BAZ1A: variants seen among roughly 807,000 people sequenced by gnomAD.
BAZ1A encodes bromodomain adjacent to zinc finger domain protein 1A.
BAZ1A carries 50 observed loss-of-function variants against 185.2 expected under a neutral mutation model. The observed-to-expected ratio is 0.27, with a 90% CI of 0.22 to 0.34. The LOEUF is 0.34. Among genes scored for constraint, BAZ1A ranks in the 10% least tolerant of loss-of-function variants. BAZ1A has a pLI of 1.00. For synonymous variants in BAZ1A, 571 were observed against 615.6 expected, an observed-to-expected ratio of 0.93 and a Z score of 1.07; for missense variants, 1,356 against 1,839.9, an observed-to-expected ratio of 0.74 and a Z score of 4.81.
At chr14:34,816,781 C>T (rs963166703) in intron 4 of BAZ1A, 1 of 440,328 alleles carries the variant, frequency 2.3e-6, no homozygotes, top group Non-Finnish European at 4.6e-6. Context: ...TCAGGACTGT[C>T]TATCAATTTA....
intron 5 of BAZ1A, among the ~76,000 whole-genome samples, chr14:34,808,388 C>T (rs1173928735): frequency 6.6e-6 from 1 of 152,014 alleles, no homozygotes; most frequent in Non-Finnish European, 1.5e-5. Flanking sequence ...ATCCCAGCTA[C>T]TCAGGAGGCT....
chr14:34,846,178 A>G (rs1177541060), intron 3 of BAZ1A, among the ~76,000 whole-genome samples: 2 of 152,178 alleles, frequency 1.3e-5, no homozygotes, highest in Non-Finnish European at 2.9e-5. Context: ...GAAAGACACA[A>G]AATAAAGCCA....
chr14:34,779,891 TA>T (rs1879924647), intron 17 of BAZ1A, among the ~76,000 whole-genome samples: 1 of 152,212 alleles, frequency 6.6e-6, no homozygotes, highest in African/African-American at 2.4e-5. Flanking sequence ...GCTTGATGAC[TA>T]ACCAAAAGTT....
chr14:34,774,570 A>G, intron 18 of BAZ1A, 80 bp from the exon 19 acceptor site: 1 of 1,223,744 alleles, frequency 8.2e-7, no homozygotes, highest in Non-Finnish European at 1.1e-6. Context: ...TATGATCTTG[A>G]AATAACAGAT....
intron 3 of BAZ1A, among the ~76,000 whole-genome samples, chr14:34,831,516 T>C (rs2042242061): frequency 6.6e-6 from 1 of 152,224 alleles, no homozygotes; most frequent in Non-Finnish European, 1.5e-5. Flanking sequence ...CAATTAGTTC[T>C]TTTATTCCTG....
chr14:34,759,022 T>C (rs1223235905), intron 24 of BAZ1A, among the ~76,000 whole-genome samples, 176 bp from the exon 25 acceptor site: 1 of 152,144 alleles, frequency 6.6e-6, no homozygotes, highest in Non-Finnish European at 1.5e-5. Flanking sequence ...CAAATAGTCA[T>C]TATTTCCTTT....
chr14:34,811,407 C>T (rs1372936895), intron 4 of BAZ1A, among the ~76,000 whole-genome samples: 1 of 152,096 alleles, frequency 6.6e-6, no homozygotes, highest in Non-Finnish European at 1.5e-5. Context: ...TCCCAAAGTG[C>T]AGGGATTACA....
rs747567597 is a variant in BAZ1A at position 34,774,332 on chromosome 14, T to C, written c.2992A>G (p.Ile998Val). ...AAATGGGAACAAGTACAAACCTTGA[T>C]GGCTCCTAATGTTCCTTGGTAGATT... ...DRIYQGTLGA[I>V]KVTDRHIWRS... is the part of the protein sequence containing the mutation. Residue 998 changes from isoleucine (I) to valine (V), a missense_variant, in exon 19 of 27, where the codon ATC becomes GTC. Around this residue, in one of 7 missense-constraint regions of BAZ1A, gnomAD observed 434 missense variants for 561.7 expected, o/e 0.77. Transcript: ENST00000360310. The C allele has an allele frequency of 1.9e-6, 3 of 1,604,812 alleles. No homozygotes were observed. Among genetic ancestry groups the C allele is most frequent in the South Asian group, 2.3e-5 (2 of 88,568 alleles).
intron 21 of BAZ1A, among the ~76,000 whole-genome samples, chr14:34,768,085 C>A (rs1373464394): frequency 2.6e-5 from 4 of 152,016 alleles, no homozygotes; most frequent in African/African-American, 9.7e-5. Context: ...CTTGCTTTCC[C>A]CCCAGATTAC....
chr14:34,793,653 A>G (rs1275363010), intron 11 of BAZ1A, among the ~76,000 whole-genome samples: 1 of 152,000 alleles, frequency 6.6e-6, no homozygotes, highest in Non-Finnish European at 1.5e-5. Context: ...CTAAAAATAC[A>G]AAAAAATTGG....
At chr14:34,773,780 A>G in intron 19 of BAZ1A, 54 bp from the exon 20 acceptor site, 2 of 1,546,006 alleles carry the variant, frequency 1.3e-6, no homozygotes, top group Non-Finnish European at 8.9e-7. Context: ...ATTGTTTCTG[A>G]GAGGTATGAA....
rs1262244204 is a variant in BAZ1A at position 34,810,942 on chromosome 14, G to C, written c.631C>G (p.Gln211Glu). ...GAAGATAGTGAGTTTTACCTGATTT[G>C]TGTTGCTTTAACAATAGCAGACTCA... ...LHESAIVKATQISRRKHLFSR... is the reference protein window; with the variant it reads ...LHESAIVKATEISRRKHLFSR... The change falls in exon 5 of 27, where the codon CAA becomes GAA. Residue 211 changes from glutamine (Q) to glutamate (E), a missense_variant. Gln to Glu is a conservative substitution (Grantham distance 29). Coordinates refer to ENST00000360310, the MANE Select transcript of BAZ1A (RefSeq NM_013448.3). 6.3e-7 allele frequency: 1 copy of C among 1,595,076 alleles called. No individual in the cohort carries two copies. Among genetic ancestry groups the C allele is most frequent in the Non-Finnish European group, 8.6e-7 (1 of 1,166,638 alleles).
chr14:34,753,422 T>G lies in BAZ1A; in HGVS notation c.*86A>C, dbSNP rs756317450. 1 of 1,386,436 alleles carries G rather than the reference T, an allele frequency of 7.2e-7. No homozygotes were observed. The highest frequency in any genetic ancestry group is 1.2e-5 in the South Asian group (1 of 80,964). 85.9% of individuals were successfully genotyped at this position (1,386,436 alleles called of 1,614,324 possible). ...CCACACTTTCATGTGGTCAATCAAT[T>G]GTTATTGCTTTATACAGCATGATTT... On this transcript the variant is annotated 3_prime_UTR_variant, in exon 27 of 27. Transcript: ENST00000360310.
intron 3 of BAZ1A, among the ~76,000 whole-genome samples, chr14:34,856,628 T>C (rs539520484): frequency 6.6e-6 from 1 of 151,890 alleles, no homozygotes; most frequent in Non-Finnish European, 1.5e-5. Flanking sequence ...AAGGCTGAGA[T>C]GGGTGGATCA....
chr14:34,833,225 AC>A (rs2042277549), intron 3 of BAZ1A, among the ~76,000 whole-genome samples: 3 of 151,948 alleles, frequency 2.0e-5, no homozygotes, highest in Admixed American at 1.3e-4. Context: ...AGAAAAACAA[AC>A]AAACAAAAAA....
chr14:34,863,574 G>C (rs1159760085), intron 2 of BAZ1A, among the ~76,000 whole-genome samples: 1 of 152,026 alleles, frequency 6.6e-6, no homozygotes, highest in South Asian at 2.1e-4. Context: ...CCAAAGTGCT[G>C]GGATTACAGG....
At position 34,786,226 on chromosome 14, in the gene BAZ1A, A is replaced by G; in HGVS notation, c.1511-5T>C. ...CATCCAAAGCCTCTGTTAAATCTTT[A>G]AGGAAATAAATACTTTATTCTAGTG... On this transcript the variant is annotated splice_polypyrimidine_tract_variant and splice_region_variant and intron_variant, in intron 12 of 26. Transcript: ENST00000360310. 1 of 1,606,782 alleles carries G rather than the reference A, an allele frequency of 6.2e-7. No homozygotes were observed. The highest frequency in any genetic ancestry group is 8.5e-7 in the Non-Finnish European group (1 of 1,176,628).
intron 3 of BAZ1A, among the ~76,000 whole-genome samples, chr14:34,840,771 A>G (rs1346207652): frequency 1.6e-4 from 17 of 108,458 alleles, no homozygotes; most frequent in Non-Finnish European, 2.6e-4. Flanking sequence ...CCAAAAACAA[A>G]CAAACAAACA....
intron 4 of BAZ1A, among the ~76,000 whole-genome samples, chr14:34,815,680 T>C (rs2041995149): frequency 6.6e-6 from 1 of 152,234 alleles, no homozygotes; most frequent in Non-Finnish European, 1.5e-5. Flanking sequence ...TTTTTCCTAA[T>C]ATATTATGAA....
Sources: allele counts gnomAD v4.1 joint callset (sites outside exome capture counted in the v4.1 genomes callset), GRCh38; gene constraint gnomAD v4.1.1; regional missense constraint gnomAD v4.1.1; transcripts MANE v1.5; gene names NCBI Gene and HGNC (gene_info 2026-07-23, HGNC 2026-07-21).